Variants in ABCA13 observed in about 807,000 individuals in gnomAD.
ABCA13 encodes the protein ATP-binding cassette sub-family A member 13.
ABCA13 carries 476 observed loss-of-function variants against 478.7 expected under a neutral mutation model. The observed-to-expected ratio is 0.99, with a 90% CI of 0.92 to 1.07. The LOEUF (loss-of-function observed/expected upper bound fraction) is 1.07, where lower values mean the gene tolerates loss of function less well. Among genes scored for constraint, ABCA13 ranks in the 50% least tolerant of loss-of-function variants. The pLI is 0.00. For missense variants in ABCA13, 6,060 were observed against 5,910.6 expected, an observed-to-expected ratio of 1.03 and a Z score of -0.83; for synonymous variants, 2,252 against 2,158.9, an observed-to-expected ratio of 1.04 and a Z score of -1.20.
intron 20 of ABCA13, among the ~76,000 whole-genome samples, chr7:48,291,941 C>T (rs1184827101): frequency 6.6e-6 from 1 of 152,166 alleles, no homozygotes; most frequent in Non-Finnish European, 1.5e-5. Context: ...GACCGACTGT[C>T]TCCAATTCCA....
intron 58 of ABCA13, among the ~76,000 whole-genome samples, chr7:48,595,082 C>T (rs1790150367): frequency 6.6e-6 from 1 of 152,208 alleles, no homozygotes; most frequent in Non-Finnish European, 1.5e-5. Flanking sequence ...ATTCTTGCCT[C>T]ATCCATTGCT....
chr7:48,396,615 G>A (rs1027239361), intron 38 of ABCA13, among the ~76,000 whole-genome samples: 5 of 152,164 alleles, frequency 3.3e-5, no homozygotes, highest in Non-Finnish European at 7.3e-5. Context: ...GCGGAGAGAG[G>A]GCAGATTCTC....
chr7:48,292,755 A>G (rs1452287401), intron 20 of ABCA13, among the ~76,000 whole-genome samples: 1 of 151,678 alleles, frequency 6.6e-6, no homozygotes, highest in African/African-American at 2.4e-5. Context: ...CCCCTGCCTT[A>G]TTTTCCTCCA....
At chr7:48,429,593 A>G (rs1205255861) in intron 42 of ABCA13, among the ~76,000 whole-genome samples, 2 of 152,194 alleles carry the variant, frequency 1.3e-5, no homozygotes, top group Admixed American at 6.5e-5. Flanking sequence ...GAGAAGTCAT[A>G]TTCAGATTTT....
intron 59 of ABCA13, among the ~76,000 whole-genome samples, chr7:48,621,146 C>G (rs1343845820): frequency 6.6e-6 from 1 of 152,138 alleles, no homozygotes; most frequent in East Asian, 1.9e-4. Flanking sequence ...CCCACAGACA[C>G]CGAGGATGAT....
rs1809206917 is a variant in ABCA13, at chr7:48,352,581, A to G, written c.10688+94A>G. Reference sequence around the variant, plus strand: ...AACTCAGTTTTTCTATGGTTATTTCAAAAAGCACTGTTAAAAAAGTTCACC... The same window carrying G: ...AACTCAGTTTTTCTATGGTTATTTCGAAAAGCACTGTTAAAAAAGTTCACC... On this transcript the variant is annotated intron_variant, in intron 31 of 61. Coordinates refer to ENST00000435803, the MANE Select transcript of ABCA13 (RefSeq NM_152701.5). 2.9e-6 allele frequency: 4 copies of G among 1,380,060 alleles called. No individual in the cohort carries two copies. In the East Asian group the frequency reaches 1.0e-4, roughly 35 times the overall value. The allele number at this position is 1,380,060 out of a possible 1,614,324, so 85.5% of individuals were successfully genotyped here.
intron 42 of ABCA13, among the ~76,000 whole-genome samples, chr7:48,445,432 C>G (rs1422640188): frequency 6.6e-6 from 1 of 152,204 alleles, no homozygotes; most frequent in African/African-American, 2.4e-5. Flanking sequence ...GGATTGGATC[C>G]TGACTGCACC....
chr7:48,539,907 G>T (rs902549646), intron 55 of ABCA13, among the ~76,000 whole-genome samples: 3 of 152,162 alleles, frequency 2.0e-5, no homozygotes, highest in African/African-American at 7.2e-5. Context: ...ATCTGTTTCT[G>T]TCTGTCGGCA....
chr7:48,371,325 A>G (rs1484588778), intron 32 of ABCA13, among the ~76,000 whole-genome samples: 3 of 152,148 alleles, frequency 2.0e-5, no homozygotes, highest in African/African-American at 7.2e-5. Flanking sequence ...AAGAGTGCCA[A>G]TGGTAGTTTA....
intron 42 of ABCA13, among the ~76,000 whole-genome samples, chr7:48,448,365 G>A (rs1824561125): frequency 6.6e-6 from 1 of 152,150 alleles, no homozygotes; most frequent in Non-Finnish European, 1.5e-5. Flanking sequence ...TGATACTGAT[G>A]GGTTCATACC....
At chr7:48,496,992 G>C (rs1216439706) in intron 48 of ABCA13, among the ~76,000 whole-genome samples, 1 of 151,576 alleles carries the variant, frequency 6.6e-6, no homozygotes, top group Non-Finnish European at 1.5e-5. Flanking sequence ...AACTTGGGAA[G>C]TTTTCAGCTG....
At chr7:48,570,295 T>C (rs552596445) in intron 55 of ABCA13, among the ~76,000 whole-genome samples, 2 of 151,358 alleles carry the variant, frequency 1.3e-5, no homozygotes, top group East Asian at 3.9e-4. Context: ...GATACTGATT[T>C]CATTGTATAT....
Position 48,281,344 on chromosome 7 carries a change from G to A in ABCA13, c.8728G>A (p.Val2910Ile), listed in dbSNP as rs1319414089. Reference sequence around the variant, plus strand: ...CATTGTATATATTTTTTTGCTAAGTGTTGTTGAGATTTGTGAAGTTTTCCA... The same window carrying A: ...CATTGTATATATTTTTTTGCTAAGTATTGTTGAGATTTGTGAAGTTTTCCA... ...WQQIPLTDQSVVEICEVFQQT... is the reference protein window; with the variant it reads ...WQQIPLTDQSIVEICEVFQQT... Residue 2910 changes from valine to isoleucine, a missense_variant and splice_region_variant, in exon 19 of 62, where the codon GTT becomes ATT. Transcript: ENST00000435803. 6.3e-7 allele frequency: 1 copy of A among 1,597,488 alleles called. No individual in the cohort carries two copies.
intron 19 of ABCA13, among the ~76,000 whole-genome samples, chr7:48,284,216 T>G (rs1229049945): frequency 2.6e-5 from 4 of 152,188 alleles, no homozygotes; most frequent in African/African-American, 9.6e-5. Flanking sequence ...GAAGAATTGA[T>G]TGGTCATTGG....
intron 45 of ABCA13, among the ~76,000 whole-genome samples, chr7:48,478,197 AATG>A (rs1422035579): frequency 1.3e-5 from 2 of 148,288 alleles, no homozygotes; most frequent in Non-Finnish European, 3.0e-5. Flanking sequence ...TAATACATAA[AATG>A]ATATGATATA....
intron 20 of ABCA13, among the ~76,000 whole-genome samples, chr7:48,294,591 C>T (rs1174477556): frequency 4.6e-5 from 7 of 151,600 alleles, no homozygotes; most frequent in East Asian, 1.9e-4. Context: ...GGACTACAGG[C>T]GCCCGCCACC....
At chr7:48,212,495 A>G (rs1234869968) in intron 3 of ABCA13, among the ~76,000 whole-genome samples, 1 of 152,230 alleles carries the variant, frequency 6.6e-6, no homozygotes, top group Non-Finnish European at 1.5e-5. Context: ...ATGTTTAGCT[A>G]TATAGTGTAT....
intron 15 of ABCA13, among the ~76,000 whole-genome samples, chr7:48,259,532 C>T (rs56189438): frequency 0.1 from 15,143 of 151,912 alleles, 849 homozygotes; most frequent in South Asian, 0.18. Context: ...ACACATATGG[C>T]GTCTTACTTC....
intron 27 of ABCA13, among the ~76,000 whole-genome samples, chr7:48,326,163 G>T (rs1804298142): frequency 6.6e-6 from 1 of 152,210 alleles, no homozygotes; most frequent in African/African-American, 2.4e-5. Context: ...GAATCCAGGA[G>T]CTTGCTCCAT....
Sources: allele counts gnomAD v4.1 joint callset (sites outside exome capture counted in the v4.1 genomes callset), GRCh38; gene constraint gnomAD v4.1.1; transcripts MANE v1.5; gene names NCBI Gene and HGNC (gene_info 2026-07-23, HGNC 2026-07-21).